SCNN1A: variants seen among roughly 807,000 people sequenced by gnomAD.
The protein encoded by SCNN1A is sodium channel epithelial 1 subunit alpha, also known as epithelial sodium channel subunit alpha.
A neutral mutation model predicts 68.6 loss-of-function variants in SCNN1A; 65 were observed. The ratio of observed to expected loss-of-function variants is 0.95; its 90% CI spans 0.78 to 1.16. The LOEUF (loss-of-function observed/expected upper bound fraction) is 1.16. Among genes scored for constraint, SCNN1A ranks in the 50% most tolerant of loss-of-function variants. The pLI, the probability that SCNN1A is intolerant of heterozygous loss-of-function variation, is 0.00. For missense variants in SCNN1A, 880 were observed against 865.9 expected (o/e 1.02, Z -0.20); for synonymous variants, 357 against 353.3 (o/e 1.01, Z -0.12).
chr12:6,361,896 G>C (rs1948585305), intron 4 of SCNN1A, among the ~76,000 whole-genome samples, 155 bp downstream of exon 4: 1 of 152,242 alleles, frequency 6.6e-6, no homozygotes, highest in Admixed American at 6.5e-5. Flanking sequence ...TCTGGGGCAG[G>C]GTGTGGGCCC....
At position 6,374,461 on chromosome 12, in the gene SCNN1A, T is replaced by G; in HGVS notation, c.323A>C (p.Glu108Ala). The change falls in exon 2 of 13, where the codon GAG becomes GCG. Residue 108 changes from glutamate (E) to alanine (A), a missense_variant. Coordinates refer to ENST00000228916, the MANE Select transcript of SCNN1A (RefSeq NM_001038.6). The surrounding 1 kb of genome is among the most constrained non-coding windows in gnomAD (Gnocchi z 6.2). ...GAGGCTGACGGGGTAGCTGAAGTACTCTCCGAAAAGCAGGCCGAATTGCCA... is the reference window on the plus strand; with the variant it reads ...GAGGCTGACGGGGTAGCTGAAGTACGCTCCGAAAAGCAGGCCGAATTGCCA... Reference protein sequence around the residue: ...MYWQFGLLFGEYFSYPVSLNI... With the variant: ...MYWQFGLLFGAYFSYPVSLNI... 6.2e-7 allele frequency: 1 copy of G among 1,614,172 alleles called. No homozygotes were observed. Among genetic ancestry groups the G allele is most frequent in the Non-Finnish European group, 8.5e-7 (1 of 1,180,014 alleles).
At chr12:6,367,630 T>C (rs1207180587) in intron 2 of SCNN1A, among the ~76,000 whole-genome samples, 1 of 152,104 alleles carries the variant, frequency 6.6e-6, no homozygotes, top group Non-Finnish European at 1.5e-5. Context: ...GGAAGAGGAA[T>C]TGATGGAAAG....
In SCNN1A at chr12:6,355,804, T is replaced by G. The variant is rs770392706; in HGVS notation, c.952A>C (p.Met318Leu). 1.2e-6 allele frequency: 2 copies of G among 1,613,336 alleles called. No individual in the cohort carries two copies. Among genetic ancestry groups the G allele is most frequent in the Non-Finnish European group, 1.7e-6 (2 of 1,179,250 alleles). ...TTGTTGATTCCAGGCATGGAAGACA[T>G]CCAGAGGTTGGAGTTGTTCTTGTCA... ...FNDKNNSNLW[M>L]SSMPGINNGL... The change falls in exon 5 of 13, where the codon ATG (methionine) becomes CTG (leucine). Residue 318 changes from methionine (M) to leucine (L), a missense_variant. Transcript: ENST00000228916.
Position 6,374,373 on chromosome 12 carries a change from G to A in SCNN1A, c.411C>T (p.Pro137=), listed in dbSNP as rs1245068982. Residue 137 remains proline (P), a synonymous_variant, in exon 2 of 13, where the codon CCC becomes CCT. Transcript: ENST00000228916. The surrounding 1 kb of genome is among the most constrained non-coding windows in gnomAD (Gnocchi z 6.2). ...GGGCAGAGGGACTAACCGACCTGTA[G>A]GGATTGAGGGTGCAGATGGTCACTG... ...FPAVTICTLN[P]YRYPEIKEEL... 1 of 1,614,174 alleles carries A rather than the reference G, an allele frequency of 6.2e-7. No homozygotes were observed. The highest frequency in any genetic ancestry group is 8.5e-7 in the Non-Finnish European group (1 of 1,180,016).
intron 2 of SCNN1A, among the ~76,000 whole-genome samples, chr12:6,367,063 C>A (rs1287772034): frequency 6.6e-6 from 1 of 152,164 alleles, no homozygotes; most frequent in Non-Finnish European, 1.5e-5. Flanking sequence ...CACGACGAAA[C>A]CTTGTATCTA....
chr12:6,372,188 CA>C lies in SCNN1A; in HGVS notation c.416+2179del. Among the ~76,000 whole-genome samples, 4 of 152,294 alleles carry C rather than the reference CA, an allele frequency of 2.6e-5. No homozygotes were observed. In the South Asian group the frequency reaches 8.3e-4, roughly 32 times the overall value. The stretch of plus-strand genomic sequence containing the variant: ...AATAAATAATGTATGTTCCCTTGCT[CA>C]AATTATTTCCTCTTGCCAAGCCTTA... On this transcript the variant is annotated intron_variant, in intron 2 of 12. Transcript: ENST00000228916. This position sits in a 1 kb window ranked among gnomAD's most constrained non-coding sequence, Gnocchi z 5.8.
intron 2 of SCNN1A, among the ~76,000 whole-genome samples, chr12:6,368,375 G>A (rs1948717244): frequency 6.6e-6 from 1 of 151,880 alleles, no homozygotes; most frequent in African/African-American, 2.4e-5. Flanking sequence ...GACAAGGTTT[G>A]ACAAGTGGGC....
At chr12:6,376,259 T>C (rs72645146), upstream of SCNN1A, 57 of 881,530 alleles carry the variant, frequency 6.5e-5, no homozygotes, top group African/African-American at 9.8e-4. Flanking sequence ...CGCCACCCCC[T>C]CCAACCTTGT....
chr12:6,370,172 A>G (rs1299191093), intron 2 of SCNN1A, among the ~76,000 whole-genome samples: 1 of 152,156 alleles, frequency 6.6e-6, no homozygotes, highest in Non-Finnish European at 1.5e-5. Flanking sequence ...GGCAGGCATT[A>G]TTATCCCCAT....
At chr12:6,364,710 C>T (rs1241703454) in intron 2 of SCNN1A, among the ~76,000 whole-genome samples, 3 of 151,446 alleles carry the variant, frequency 2.0e-5, no homozygotes, top group African/African-American at 2.4e-5. Context: ...TGCAGTGAGC[C>T]GAGATCGCGC....
At chr12:6,370,976 GC>G (rs1189851242) in intron 2 of SCNN1A, among the ~76,000 whole-genome samples, 4 of 152,228 alleles carry the variant, frequency 2.6e-5, no homozygotes, top group African/African-American at 4.8e-5. Flanking sequence ...CAGTGAAGAA[GC>G]CCTTTGTTGA....
intron 4 of SCNN1A, among the ~76,000 whole-genome samples, chr12:6,357,601 C>T (rs1297753572): frequency 1.3e-5 from 2 of 151,922 alleles, no homozygotes; most frequent in Admixed American, 6.6e-5. Context: ...TAACACAATA[C>T]CATTTATATA....
intron 2 of SCNN1A, chr12:6,363,986 C>G (rs1948632578): frequency 3.0e-6 from 1 of 329,854 alleles, no homozygotes; most frequent in Non-Finnish European, 5.5e-6. Flanking sequence ...CTGTGGGGCG[C>G]TCTCCCCCTC....
chr12:6,376,274 ACCCG>A (rs1948907437), upstream of SCNN1A: 2 of 777,922 alleles, frequency 2.6e-6, no homozygotes, highest in South Asian at 1.2e-4. Context: ...CCTTGTCCAG[ACCCG>A]GGAGGGGCCC....
At position 6,355,836 on chromosome 12, in the gene SCNN1A, GTA is replaced by G; in HGVS notation, c.918_919del (p.Thr307PhefsTer3). ...GTTGGAGTTGTTCTTGTCATTGAAA[GTA>G]TAGCAGTTTCCATACATCGGGTGGT... On this transcript the variant is annotated frameshift_variant, in exon 5 of 13. Transcript: ENST00000228916. LOFTEE classifies it high-confidence loss of function. 1 of 1,613,624 alleles carries G rather than the reference GTA, an allele frequency of 6.2e-7. No individual in the cohort carries two copies. The highest frequency in any genetic ancestry group is 8.5e-7 in the Non-Finnish European group (1 of 1,179,496).
intron 2 of SCNN1A, among the ~76,000 whole-genome samples, chr12:6,366,959 C>T (rs988615797): frequency 3.9e-5 from 6 of 152,140 alleles, no homozygotes; most frequent in African/African-American, 1.2e-4. Context: ...TGGTAATCTG[C>T]GGGGCATGGT....
intron 4 of SCNN1A, among the ~76,000 whole-genome samples, chr12:6,359,763 C>CCTT (rs1948552762): frequency 8.9e-6 from 1 of 112,282 alleles, no homozygotes. Context: ...CTCAGATATT[C>CCTT]CTTTTTTTTT....
intron 8 of SCNN1A, among the ~76,000 whole-genome samples, chr12:6,352,852 C>T (rs1049776000): frequency 1.1e-4 from 16 of 152,236 alleles, no homozygotes; most frequent in Non-Finnish European, 2.2e-4. Flanking sequence ...TAGGGATGGA[C>T]GCTGAACTCT....
intron 6 of SCNN1A, 83 bp from the exon 7 acceptor site, chr12:6,354,931 T>A: frequency 1.7e-6 from 2 of 1,151,034 alleles, no homozygotes; most frequent in Non-Finnish European, 2.6e-6. Context: ...CCAGGTTGTA[T>A]CTCACACCTG....
Sources: gnomAD v4.1 joint callset for allele counts (sites outside exome capture counted in the v4.1 genomes callset) on GRCh38, gnomAD v4.1.1 for gene constraint, Gnocchi (gnomAD v3.1) non-coding constraint, MANE v1.5 for transcripts, NCBI Gene and HGNC (gene_info 2026-07-23, HGNC 2026-07-21) for gene names.